Variants in SSX2IP observed in about 807,000 individuals in gnomAD.
SSX2IP encodes SSX family member 2 interacting protein, also known as afadin- and alpha-actinin-binding protein.
SSX2IP carries 55 observed loss-of-function variants against 84.9 expected under a neutral mutation model. The ratio of observed to expected loss-of-function variants is 0.65; its 90% CI spans 0.52 to 0.81. The LOEUF (loss-of-function observed/expected upper bound fraction) is 0.81, where lower values mean the gene tolerates loss of function less well. SSX2IP is among the 30% of genes least tolerant of loss of function. SSX2IP has a pLI of 0.00. For synonymous variants in SSX2IP, 239 were observed against 234.7 expected (o/e 1.02, Z -0.17); for missense variants, 664 against 705.2 (o/e 0.94, Z 0.66).
In SSX2IP at chr1:84,659,179, T is replaced by G. The variant is rs1651558408; in HGVS notation, c.928-711A>C. Among the ~76,000 whole-genome samples the G allele has an allele frequency of 2.0e-5, 3 of 152,086 alleles. No homozygotes were observed. The South Asian group carries it at 6.2e-4, about 32-fold the overall frequency. ...AGGCAGAGAGATATACTTCACTAATTTGAACAATAAAAATCTTGCTGGGGA... is the reference window on the plus strand; with the variant it reads ...AGGCAGAGAGATATACTTCACTAATGTGAACAATAAAAATCTTGCTGGGGA... On this transcript the variant is annotated intron_variant, in intron 8 of 13. Transcript: ENST00000342203.
chr1:84,655,301 TTTG>T (rs1213137355), intron 11 of SSX2IP: 7 of 1,067,932 alleles, frequency 6.6e-6, no homozygotes, highest in Non-Finnish European at 8.0e-6. Flanking sequence ...TTTAATGAGT[TTTG>T]TTGATTTTTT....
At chr1:84,683,236 C>T (rs140115280) in intron 1 of SSX2IP, among the ~76,000 whole-genome samples, 2 of 152,034 alleles carry the variant, frequency 1.3e-5, no homozygotes, top group African/African-American at 2.4e-5. Flanking sequence ...TTTTAAGCCC[C>T]GCATGCATTA....
Position 84,650,282 on chromosome 1 carries a change from C to T in SSX2IP, c.1670+80G>A, listed in dbSNP as rs1245762450. 6 of 1,400,920 alleles carry T rather than the reference C, an allele frequency of 4.3e-6. No homozygotes were observed. In the African/African-American group the frequency reaches 5.7e-5, roughly 13 times the overall value. The allele number at this position is 1,400,920 out of a possible 1,614,324, so 86.8% of individuals were successfully genotyped here. A position where few individuals can be genotyped will look rare whatever the true frequency, so the allele number is the denominator to read the frequency against. On this transcript the variant is annotated intron_variant, in intron 13 of 13. Coordinates refer to ENST00000342203, the MANE Select transcript of SSX2IP (RefSeq NM_001166293.2). ...AAAATCTCTATTGTTGCTAATACTACAGACATGCCACCTTTCCCTTAGCAG... is the reference window on the plus strand; with the variant it reads ...AAAATCTCTATTGTTGCTAATACTATAGACATGCCACCTTTCCCTTAGCAG...
chr1:84,667,523 T>C (rs1447038325), intron 4 of SSX2IP, among the ~76,000 whole-genome samples: 1 of 151,982 alleles, frequency 6.6e-6, no homozygotes, highest in Non-Finnish European at 1.5e-5. Flanking sequence ...CCCCTATAAT[T>C]TCTCCACCCC....
chr1:84,672,897 C>T (rs138761242), intron 1 of SSX2IP, among the ~76,000 whole-genome samples: 27 of 152,174 alleles, frequency 1.8e-4, no homozygotes, highest in East Asian at 1.2e-3. Flanking sequence ...TGGTGGCATG[C>T]GCCTGTAATC....
chr1:84,662,476 C>T lies in SSX2IP; in HGVS notation c.728G>A (p.Arg243Lys). 1 of 1,613,964 alleles carries T rather than the reference C, an allele frequency of 6.2e-7. No individual in the cohort carries two copies. Among genetic ancestry groups the T allele is most frequent in the Non-Finnish European group, 8.5e-7 (1 of 1,179,896 alleles). Residue 243 changes from arginine to lysine, a missense_variant, in exon 7 of 14, where the codon AGG (arginine) becomes AAG (lysine). Transcript: ENST00000342203. Reference sequence around the variant, plus strand: ...TTACCTGGCTTCAGTTTTACCAGTCCTCCAGGAGCCTCTTTTTCCATCAGC... The same window carrying T: ...TTACCTGGCTTCAGTTTTACCAGTCTTCCAGGAGCCTCTTTTTCCATCAGC... ...GRADGKRGSW[R>K]TGKTEARNED...
rs929587147 is a variant in SSX2IP, at chr1:84,644,765, C to G, written c.*2668G>C. 6.6e-6 allele frequency: 1 copy of G among 152,150 alleles called. No individual in the cohort carries two copies. Among genetic ancestry groups the G allele is most frequent in the Admixed American group, 6.5e-5 (1 of 15,270 alleles). 9.4% of individuals were successfully genotyped at this position (152,150 alleles called of 1,614,324 possible). On this transcript the variant is annotated 3_prime_UTR_variant, in exon 14 of 14. Coordinates refer to ENST00000342203, the MANE Select transcript of SSX2IP (RefSeq NM_001166293.2). The stretch of plus-strand genomic sequence containing the variant: ...CCCATAACACCATATTATCACAAGT[C>G]TATGAACAATTCTGGTTAGCTAAGG...
chr1:84,646,991 T>G lies in SSX2IP; in HGVS notation c.*442A>C, dbSNP rs1428442683. 6.5e-6 allele frequency: 1 copy of G among 152,810 alleles called. No individual in the cohort carries two copies. Among genetic ancestry groups the G allele is most frequent in the Admixed American group, 6.5e-5 (1 of 15,278 alleles). The allele number at this position is 152,810 out of a possible 1,614,324, so 9.5% of individuals were successfully genotyped here. On this transcript the variant is annotated 3_prime_UTR_variant, in exon 14 of 14. Coordinates refer to ENST00000342203, the MANE Select transcript of SSX2IP (RefSeq NM_001166293.2). ...ATTTAAAACATATGAAAGAGGTAAT[T>G]TCAAACCACACTAAACATAATAAAT...
At chr1:84,669,315 A>G (rs947331576) in intron 4 of SSX2IP, among the ~76,000 whole-genome samples, 2 of 152,052 alleles carry the variant, frequency 1.3e-5, no homozygotes, top group Non-Finnish European at 2.9e-5. Context: ...CCTCAATAAT[A>G]TTTTTCTTGG....
At position 84,675,851 on chromosome 1, in the gene SSX2IP, C is replaced by T. The variant is rs570483779; in HGVS notation, c.-89-4543G>A. Among the ~76,000 whole-genome samples the T allele has an allele frequency of 6.6e-5, 10 of 152,290 alleles. 1 individual carries two copies. In the South Asian group the frequency reaches 2.1e-3, roughly 32 times the overall value. On this transcript the variant is annotated intron_variant, in intron 1 of 13. Coordinates refer to ENST00000342203, the MANE Select transcript of SSX2IP (RefSeq NM_001166293.2). ...AGAATGCAACCTTTCAACTCATCTA[C>T]CTGGGTCCTGGAAGCCCCTGCCCCC...
intron 6 of SSX2IP, among the ~76,000 whole-genome samples, chr1:84,664,170 C>T (rs1652441284): frequency 1.3e-5 from 2 of 152,048 alleles, no homozygotes; most frequent in South Asian, 4.1e-4. Context: ...CTTAGTTTTC[C>T]TCTATGGATT....
In SSX2IP at chr1:84,646,032, GTTTT is replaced by G. The variant is rs946934611; in HGVS notation, c.*1397_*1400del. 4 of 152,016 alleles carry G rather than the reference GTTTT, an allele frequency of 2.6e-5. No individual in the cohort carries two copies. The highest frequency in any genetic ancestry group is 5.9e-5 in the Non-Finnish European group (4 of 67,946). The allele number at this position is 152,016 out of a possible 1,614,324, so 9.4% of individuals were successfully genotyped here. On this transcript the variant is annotated 3_prime_UTR_variant, in exon 14 of 14. Transcript: ENST00000342203. Reference sequence around the variant, plus strand: ...GTGAATGGACAACACAAATAGGTGGGTTTTTTTTGTTTTTTAATAATATGAATTT... The same window carrying G: ...GTGAATGGACAACACAAATAGGTGGGTTTTGTTTTTTAATAATATGAATTT...
chr1:84,654,824 T>C (rs1650836149), intron 11 of SSX2IP, among the ~76,000 whole-genome samples: 1 of 152,188 alleles, frequency 6.6e-6, no homozygotes. Flanking sequence ...ACCTGGATTG[T>C]ATTAGAGGAC....
chr1:84,683,240 T>C (rs1655337031), intron 1 of SSX2IP, among the ~76,000 whole-genome samples: 2 of 152,258 alleles, frequency 1.3e-5, no homozygotes, highest in East Asian at 3.9e-4. Context: ...AAGCCCCGCA[T>C]GCATTAGTTA....
Position 84,643,952 on chromosome 1 carries a change from T to C in SSX2IP, c.*3481A>G, listed in dbSNP as rs926445936. On this transcript the variant is annotated 3_prime_UTR_variant, in exon 14 of 14. Coordinates refer to ENST00000342203, the MANE Select transcript of SSX2IP (RefSeq NM_001166293.2). Reference sequence around the variant, plus strand: ...AATAATTTAATCAATATCCACCCACTCTAATTTACATCCAGCTTGAAAAAC... The same window carrying C: ...AATAATTTAATCAATATCCACCCACCCTAATTTACATCCAGCTTGAAAAAC... 1.1e-4 allele frequency: 17 copies of C among 152,220 alleles called. No homozygotes were observed. Among genetic ancestry groups the C allele is most frequent in the African/African-American group, 4.1e-4 (17 of 41,542 alleles). 9.4% of individuals were successfully genotyped at this position (152,220 alleles called of 1,614,324 possible).
In SSX2IP at chr1:84,657,867, T is replaced by A. The variant is rs1300202089; in HGVS notation, c.1078+451A>T. Among the ~76,000 whole-genome samples, 3 of 152,162 alleles carry A rather than the reference T, an allele frequency of 2.0e-5. No homozygotes were observed. The East Asian group carries it at 5.8e-4, about 29-fold the overall frequency. ...TAAAATGTCGGCTGTGCACAGTGGCTCACACGTGTAATCCAGACACTCTGG... is the reference window on the plus strand; with the variant it reads ...TAAAATGTCGGCTGTGCACAGTGGCACACACGTGTAATCCAGACACTCTGG... On this transcript the variant is annotated intron_variant, in intron 9 of 13. Coordinates refer to ENST00000342203, the MANE Select transcript of SSX2IP (RefSeq NM_001166293.2).
In SSX2IP at chr1:84,690,420, C is replaced by T. The variant is rs1489402591; in HGVS notation, c.-139G>A. The stretch of plus-strand genomic sequence containing the variant: ...GGAGTCACCGCTCGGCGTCCTAGCC[C>T]GGCTCCCGCAGCCCGAGGGCCAGCA... On this transcript the variant is annotated 5_prime_UTR_variant, in exon 1 of 14. Coordinates refer to ENST00000342203, the MANE Select transcript of SSX2IP (RefSeq NM_001166293.2). 1 of 151,254 alleles carries T rather than the reference C, an allele frequency of 6.6e-6. No homozygotes were observed. The highest frequency in any genetic ancestry group is 2.4e-5 in the African/African-American group (1 of 41,278). The allele number at this position is 151,254 out of a possible 1,614,324, so 9.4% of individuals were successfully genotyped here. A position where few individuals can be genotyped will look rare whatever the true frequency, so the allele number is the denominator to read the frequency against.
In SSX2IP at chr1:84,649,623, T is replaced by C. The variant is rs142506204; in HGVS notation, c.1670+739A>G. On this transcript the variant is annotated intron_variant, in intron 13 of 13. Coordinates refer to ENST00000342203, the MANE Select transcript of SSX2IP (RefSeq NM_001166293.2). ...ACTGTTTTCCAAGGCCATTATCTCC[T>C]ACTTTTAATTAAGAGCAAAGAGATT... 577 of 182,486 alleles carry C rather than the reference T, an allele frequency of 3.2e-3. 3 individuals are homozygous for C. Among genetic ancestry groups the C allele is most frequent in the Middle Eastern group, 0.015 (6 of 400 alleles). 11.3% of individuals were successfully genotyped at this position (182,486 alleles called of 1,614,324 possible). A position where few individuals can be genotyped will look rare whatever the true frequency, so the allele number is the denominator to read the frequency against.
chr1:84,649,761 T>C, intron 13 of SSX2IP: 1 of 325,768 alleles, frequency 3.1e-6, no homozygotes, highest in Non-Finnish European at 6.0e-6. Context: ...GAATTGGCAC[T>C]GAAGCAGAGT....
Sources: gnomAD v4.1 joint callset for allele counts (sites outside exome capture counted in the v4.1 genomes callset) on GRCh38, gnomAD v4.1.1 for gene constraint, MANE v1.5 for transcripts, NCBI Gene and HGNC (gene_info 2026-07-23, HGNC 2026-07-21) for gene names.